The following KIAA1328 variants were observed in gnomAD, a reference collection of about 807,000 sequenced individuals.
KIAA1328 encodes the protein protein hinderin.
KIAA1328 carries 52 observed loss-of-function variants against 68.1 expected under a neutral mutation model. The ratio of observed to expected loss-of-function variants is 0.76; its 90% CI spans 0.61 to 0.96. KIAA1328 has a LOEUF of 0.96. Among genes scored for constraint, KIAA1328 ranks in the 40% least tolerant of loss-of-function variants. The pLI is 0.00. For synonymous variants in KIAA1328, 232 were observed against 239.4 expected (o/e 0.97, Z 0.28); for missense variants, 641 against 677.6 (o/e 0.95, Z 0.60).
At chr18:36,991,265 G>C (rs2053166728) in intron 6 of KIAA1328, among the ~76,000 whole-genome samples, 1 of 152,054 alleles carries the variant, frequency 6.6e-6, no homozygotes, top group Non-Finnish European at 1.5e-5. Context: ...ATAGTATTCT[G>C]TTAGATTTAA....
intron 6 of KIAA1328, among the ~76,000 whole-genome samples, chr18:36,994,698 T>G (rs945027452): frequency 1.3e-5 from 2 of 152,236 alleles, no homozygotes; most frequent in Non-Finnish European, 2.9e-5. Flanking sequence ...TGACTCATTC[T>G]GCTTATTTTA....
At chr18:36,840,332 A>G (rs1052263867) in intron 3 of KIAA1328, among the ~76,000 whole-genome samples, 1 of 152,028 alleles carries the variant, frequency 6.6e-6, no homozygotes, top group Admixed American at 6.6e-5. Context: ...CTGTTACTCC[A>G]TCTGGGCTAG....
chr18:36,865,208 C>T (rs975965368), intron 4 of KIAA1328, among the ~76,000 whole-genome samples: 43 of 151,878 alleles, frequency 2.8e-4, no homozygotes, highest in Non-Finnish European at 5.3e-4. Context: ...TTACTGTACC[C>T]TACCTATTTT....
intron 9 of KIAA1328, among the ~76,000 whole-genome samples, chr18:37,217,491 T>C (rs1006294758): frequency 1.3e-5 from 2 of 152,214 alleles, no homozygotes; most frequent in Non-Finnish European, 2.9e-5. Flanking sequence ...TGTTGAATAT[T>C]GGCCCCCACT....
chr18:37,022,188 G>A (rs180890421), intron 6 of KIAA1328, among the ~76,000 whole-genome samples: 19 of 152,180 alleles, frequency 1.2e-4, no homozygotes, highest in South Asian at 4.1e-4. Flanking sequence ...AAGGCAGACC[G>A]GCTGTTAACG....
At chr18:36,994,168 C>T (rs901018444) in intron 6 of KIAA1328, among the ~76,000 whole-genome samples, 26 of 151,984 alleles carry the variant, frequency 1.7e-4, no homozygotes, top group African/African-American at 6.3e-4. Context: ...CATGACAATA[C>T]CACAGATACT....
At chr18:36,970,285 A>G (rs77340521) in intron 6 of KIAA1328, among the ~76,000 whole-genome samples, 1 of 152,244 alleles carries the variant, frequency 6.6e-6, no homozygotes, top group African/African-American at 2.4e-5. Flanking sequence ...TCAATACATT[A>G]GGTATTGGTG....
intron 6 of KIAA1328, among the ~76,000 whole-genome samples, chr18:37,046,928 C>T (rs929786112): frequency 6.6e-6 from 1 of 152,140 alleles, no homozygotes; most frequent in Non-Finnish European, 1.5e-5. Context: ...GTCAGTAGTT[C>T]GAGACCGGCA....
chr18:37,201,938 A>G (rs901821261), intron 9 of KIAA1328, among the ~76,000 whole-genome samples: 10 of 152,180 alleles, frequency 6.6e-5, no homozygotes, highest in Non-Finnish European at 2.9e-5. Context: ...CATTTCCTCA[A>G]AACAGTCTGG....
At position 37,223,232 on chromosome 18, in the gene KIAA1328, C is replaced by G; in HGVS notation, c.*1005C>G. ...GACCAGGCCTCACAGGTGCTCTGCTCGTGGCCCCAAAGAACCATCTCTACT... is the reference window on the plus strand; with the variant it reads ...GACCAGGCCTCACAGGTGCTCTGCTGGTGGCCCCAAAGAACCATCTCTACT... On this transcript the variant is annotated 3_prime_UTR_variant, in exon 10 of 10. Transcript: ENST00000280020. 1 of 985,270 alleles carries G rather than the reference C, an allele frequency of 1.0e-6. No homozygotes were observed. The highest frequency in any genetic ancestry group is 1.2e-6 in the Non-Finnish European group (1 of 829,932). The allele number at this position is 985,270 out of a possible 1,614,324, so 61.0% of individuals were successfully genotyped here.
chr18:36,893,735 A>G (rs1272175273), intron 5 of KIAA1328, among the ~76,000 whole-genome samples: 1 of 152,152 alleles, frequency 6.6e-6, no homozygotes, highest in Non-Finnish European at 1.5e-5. Context: ...TTAGAAGTAG[A>G]GAATAGAGCT....
At chr18:36,858,569 AACCT>A (rs1338223996) in intron 4 of KIAA1328, among the ~76,000 whole-genome samples, 1 of 152,176 alleles carries the variant, frequency 6.6e-6, no homozygotes, top group Admixed American at 6.5e-5. Context: ...TTTAACCCTT[AACCT>A]ATTCCCATTC....
intron 8 of KIAA1328, among the ~76,000 whole-genome samples, chr18:37,165,580 C>T (rs544104434): frequency 1.3e-4 from 20 of 149,492 alleles, no homozygotes; most frequent in South Asian, 6.4e-4. Flanking sequence ...CCACCACACC[C>T]GGCTAATTTT....
intron 5 of KIAA1328, among the ~76,000 whole-genome samples, chr18:36,907,438 C>T (rs1285445020): frequency 6.6e-6 from 1 of 152,078 alleles, no homozygotes; most frequent in Non-Finnish European, 1.5e-5. Context: ...AACATAGATA[C>T]CTTTATTTAG....
At chr18:36,951,531 C>T (rs1390362826) in intron 5 of KIAA1328, among the ~76,000 whole-genome samples, 1 of 152,150 alleles carries the variant, frequency 6.6e-6, no homozygotes, top group Non-Finnish European at 1.5e-5. Flanking sequence ...CTCATGTCTT[C>T]AGCCACCACA....
At chr18:37,052,199 C>T (rs1461499059) in intron 6 of KIAA1328, among the ~76,000 whole-genome samples, 1 of 152,078 alleles carries the variant, frequency 6.6e-6, no homozygotes, top group East Asian at 1.9e-4. Context: ...TCAACATATG[C>T]AAATGAATAA....
chr18:37,217,216 G>A (rs529872116), intron 9 of KIAA1328, among the ~76,000 whole-genome samples: 4 of 152,136 alleles, frequency 2.6e-5, no homozygotes, highest in South Asian at 2.1e-4. Context: ...TCATTATGAT[G>A]TTAGCTGGTT....
intron 6 of KIAA1328, among the ~76,000 whole-genome samples, chr18:36,990,653 A>G (rs1439905748): frequency 6.6e-6 from 1 of 151,968 alleles, no homozygotes; most frequent in Non-Finnish European, 1.5e-5. Context: ...CCTGGGCAAC[A>G]GAGCAAGACT....
At chr18:37,100,077 A>G (rs1445813661) in intron 7 of KIAA1328, among the ~76,000 whole-genome samples, 3 of 151,996 alleles carry the variant, frequency 2.0e-5, no homozygotes, top group Non-Finnish European at 4.4e-5. Context: ...CCTCCAGTCT[A>G]CAGCTCCCAG....
Sources: gnomAD v4.1 joint callset for allele counts (sites outside exome capture counted in the v4.1 genomes callset) on GRCh38, gnomAD v4.1.1 for gene constraint, MANE v1.5 for transcripts, NCBI Gene and HGNC (gene_info 2026-07-23, HGNC 2026-07-21) for gene names.